Variants in LRP1B observed in about 807,000 individuals in gnomAD.
The protein encoded by LRP1B is low-density lipoprotein receptor-related protein 1B.
LRP1B carries 217 observed loss-of-function variants against 556.6 expected under a neutral mutation model. The observed-to-expected ratio is 0.39, with a 90% confidence interval of 0.35 to 0.44. The LOEUF is 0.44. LRP1B is among the 20% of genes least tolerant of loss of function. The pLI, the probability that LRP1B is intolerant of heterozygous loss-of-function variation, is 1.00. For missense variants in LRP1B, 5,053 were observed against 5,620.8 expected, an observed-to-expected ratio of 0.90 and a Z score of 3.23; for synonymous variants, 2,047 against 1,865.8, an observed-to-expected ratio of 1.10 and a Z score of -2.50.
At chr2:140,488,751 G>A (rs1688579436) in intron 57 of LRP1B, among the ~76,000 whole-genome samples, 2 of 151,936 alleles carry the variant, frequency 1.3e-5, no homozygotes, top group African/African-American at 4.8e-5. Context: ...TTATATCTGT[G>A]GAGAGCTTGC....
chr2:140,997,801 G>A (rs897111909), intron 15 of LRP1B, among the ~76,000 whole-genome samples: 6 of 151,874 alleles, frequency 4.0e-5, no homozygotes, highest in African/African-American at 1.5e-4. Flanking sequence ...GTGGTTTGCT[G>A]GATCTCTTTA....
At chr2:141,728,364 C>CGCCCTCCA (rs1470080672) in intron 2 of LRP1B, among the ~76,000 whole-genome samples, 3 of 152,128 alleles carry the variant, frequency 2.0e-5, no homozygotes, top group Non-Finnish European at 2.9e-5. Context: ...GGCATGATCT[C>CGCCCTCCA]GCCCTCCAAC....
intron 23 of LRP1B, among the ~76,000 whole-genome samples, chr2:140,895,499 G>GTCACC (rs112864701): frequency 2.2e-5 from 3 of 136,760 alleles, no homozygotes; most frequent in Non-Finnish European, 5.0e-5. Flanking sequence ...AATGCTTCAG[G>GTCACC]TCACCTCACC....
At chr2:141,532,607 T>C (rs913723511) in intron 2 of LRP1B, among the ~76,000 whole-genome samples, 8 of 152,044 alleles carry the variant, frequency 5.3e-5, no homozygotes, top group African/African-American at 1.7e-4. Flanking sequence ...GTTGTTCATA[T>C]GCAAAAATGA....
chr2:140,623,555 T>A (rs929743857), intron 41 of LRP1B, among the ~76,000 whole-genome samples: 2 of 152,118 alleles, frequency 1.3e-5, no homozygotes, highest in African/African-American at 4.8e-5. Context: ...CTGAAAGAAG[T>A]CAAAATTTAC....
chr2:140,886,075 T>G, intron 24 of LRP1B, 63 bp downstream of exon 24: 1 of 1,009,724 alleles, frequency 9.9e-7, no homozygotes, highest in Non-Finnish European at 1.5e-6. Context: ...AGTTATAACG[T>G]GTTCTTTGAA....
At chr2:140,605,935 G>C (rs964265245) in intron 41 of LRP1B, among the ~76,000 whole-genome samples, 2 of 151,952 alleles carry the variant, frequency 1.3e-5, no homozygotes, top group African/African-American at 4.8e-5. Flanking sequence ...TCAAAGACCA[G>C]GACCAAAGCA....
intron 41 of LRP1B, among the ~76,000 whole-genome samples, chr2:140,643,319 T>C (rs1240265981): frequency 6.6e-6 from 1 of 152,140 alleles, no homozygotes; most frequent in African/African-American, 2.4e-5. Flanking sequence ...AAATTTGCTT[T>C]CTGTCTACAC....
At chr2:140,925,598 T>C (rs1694862050) in intron 20 of LRP1B, among the ~76,000 whole-genome samples, 2 of 152,166 alleles carry the variant, frequency 1.3e-5, no homozygotes, top group Admixed American at 1.3e-4. Flanking sequence ...AAATATTTAA[T>C]AAAGAATGGA....
At chr2:141,451,071 T>A (rs1459710325) in intron 3 of LRP1B, among the ~76,000 whole-genome samples, 1 of 152,202 alleles carries the variant, frequency 6.6e-6, no homozygotes, top group Admixed American at 6.5e-5. Context: ...GGAATGAGCA[T>A]CTTCCAAGTC....
intron 23 of LRP1B, among the ~76,000 whole-genome samples, chr2:140,892,337 A>G (rs757751423): frequency 1.3e-5 from 2 of 152,168 alleles, no homozygotes; most frequent in African/African-American, 2.4e-5. Flanking sequence ...GGAAATGTCT[A>G]AAGTTTAGAA....
At chr2:141,608,450 T>C (rs1436902684) in intron 2 of LRP1B, among the ~76,000 whole-genome samples, 1 of 152,160 alleles carries the variant, frequency 6.6e-6, no homozygotes, top group Non-Finnish European at 1.5e-5. Flanking sequence ...GCTTCTCCAA[T>C]ATCTGCTACG....
chr2:141,688,220 A>C (rs1691383499), intron 2 of LRP1B, among the ~76,000 whole-genome samples: 2 of 151,654 alleles, frequency 1.3e-5, no homozygotes, highest in Admixed American at 1.3e-4. Flanking sequence ...ACACACACAC[A>C]CACCCCTATT....
chr2:140,670,412 G>A (rs1685436616), intron 41 of LRP1B, among the ~76,000 whole-genome samples: 1 of 152,130 alleles, frequency 6.6e-6, no homozygotes, highest in Non-Finnish European at 1.5e-5. Context: ...ATAAAGGCGA[G>A]GAAAGTCCAC....
At chr2:141,301,472 C>T (rs1390489154) in intron 3 of LRP1B, among the ~76,000 whole-genome samples, 2 of 152,130 alleles carry the variant, frequency 1.3e-5, no homozygotes, top group East Asian at 1.9e-4. Context: ...TCTCAGATCA[C>T]ATACAATAAG....
At chr2:141,484,139 A>G (rs964623738) in intron 2 of LRP1B, among the ~76,000 whole-genome samples, 11 of 150,516 alleles carry the variant, frequency 7.3e-5, no homozygotes, top group African/African-American at 2.2e-4. Context: ...TAATTTTTGT[A>G]TAAGGTGTAA....
In LRP1B at chr2:141,244,482, T is replaced by C. The variant is rs969154356; in HGVS notation, c.592+2744A>G. ...GAAAAGAAGAGAAAAGAGAGGCCAA[T>C]CTCAGCAGCCAGGCAACTGAAAGAA... On this transcript the variant is annotated intron_variant, in intron 5 of 90. Coordinates refer to ENST00000389484, the MANE Select transcript of LRP1B (RefSeq NM_018557.3). Among the ~76,000 whole-genome samples, 5 of 152,072 alleles carry C rather than the reference T, an allele frequency of 3.3e-5. No individual in the cohort carries two copies. In the South Asian group the frequency reaches 1.0e-3, roughly 32 times the overall value.
At chr2:141,917,964 T>G (rs1304846531) in intron 1 of LRP1B, among the ~76,000 whole-genome samples, 1 of 152,140 alleles carries the variant, frequency 6.6e-6, no homozygotes, top group East Asian at 1.9e-4. Context: ...AGTAAAATCC[T>G]AATTCTACCT....
chr2:141,373,775 T>G (rs1367651865), intron 3 of LRP1B, among the ~76,000 whole-genome samples: 1 of 152,092 alleles, frequency 6.6e-6, no homozygotes, highest in Non-Finnish European at 1.5e-5. Context: ...AAGGTTAATA[T>G]TGATATATGA....
Sources: allele counts gnomAD v4.1 joint callset (sites outside exome capture counted in the v4.1 genomes callset), GRCh38; gene constraint gnomAD v4.1.1; transcripts MANE v1.5; gene names NCBI Gene and HGNC (gene_info 2026-07-23, HGNC 2026-07-21).